Variants in NOL12 observed in about 807,000 individuals in gnomAD.
NOL12 encodes nucleolar protein 12.
In NOL12, 21 loss-of-function variants were observed where a neutral mutation model predicts 25.2. The ratio of observed to expected loss-of-function variants is 0.83; its 90% CI spans 0.59 to 1.20. NOL12 has a LOEUF of 1.20. NOL12 is among the 50% of genes most tolerant of loss of function. NOL12 has a pLI of 0.00. For missense variants in NOL12, 286 were observed against 287.6 expected, an observed-to-expected ratio of 0.99 and a Z score of 0.04; for synonymous variants, 133 against 113.8, an observed-to-expected ratio of 1.17 and a Z score of -1.08.
rs577877819 is a variant in NOL12, at chr22:37,692,258, G to C, written c.*922G>C. The C allele has an allele frequency of 1.1e-5, 4 of 359,626 alleles. No individual in the cohort carries two copies. In the East Asian group the frequency reaches 1.6e-4, roughly 15 times the overall value. 22.3% of individuals were successfully genotyped at this position (359,626 alleles called of 1,614,324 possible). ...TGTAATCCCAGCTACTTGGGAGGCT[G>C]AGGTGGAAGAATCACTTGAACCCTG... On this transcript the variant is annotated 3_prime_UTR_variant, in exon 6 of 6. Coordinates refer to ENST00000359114, the MANE Select transcript of NOL12 (RefSeq NM_024313.3).
rs953878956 is a variant in NOL12 at position 37,693,352 on chromosome 22, C to T, written c.*2016C>T. Reference sequence around the variant, plus strand: ...TCCAGGTGTGCCTACCGCATGTTGCCGCTGCTGTTTCTGCTGGGACGTCTG... The same window carrying T: ...TCCAGGTGTGCCTACCGCATGTTGCTGCTGCTGTTTCTGCTGGGACGTCTG... On this transcript the variant is annotated 3_prime_UTR_variant, in exon 6 of 6. Coordinates refer to ENST00000359114, the MANE Select transcript of NOL12 (RefSeq NM_024313.3). 6.5e-6 allele frequency: 1 copy of T among 152,718 alleles called. No individual in the cohort carries two copies. Among genetic ancestry groups the T allele is most frequent in the Admixed American group, 6.5e-5 (1 of 15,270 alleles). 9.5% of individuals were successfully genotyped at this position (152,718 alleles called of 1,614,324 possible).
At chr22:37,690,668 A>T (rs1922024704) in intron 4 of NOL12, 29 bp from the exon 5 acceptor site, 5 of 1,565,626 alleles carry the variant, frequency 3.2e-6, no homozygotes, top group Non-Finnish European at 4.4e-6. Context: ...CTACTGCTCC[A>T]TGTAAGTCAT....
chr22:37,691,049 G>C, intron 5 of NOL12, 125 bp from the exon 6 acceptor site: 1 of 1,168,824 alleles, frequency 8.6e-7, no homozygotes, highest in Non-Finnish European at 1.2e-6. Context: ...AGGTAGAGCA[G>C]GCCAACTCTG....
Position 37,691,178 on chromosome 22 carries a change from T to G in NOL12, c.484T>G (p.Ser162Ala). The change falls in exon 6 of 6, where the codon TCC becomes GCC. Residue 162 changes from serine to alanine, a missense_variant. Coordinates refer to ENST00000359114, the MANE Select transcript of NOL12 (RefSeq NM_024313.3). The stretch of plus-strand genomic sequence containing the variant: ...AGGCTTTCTGCCCTCCCCTAGGATC[T>G]CCTCCCTCACAGCATCACTACATGC... ...SRDPLLSQRI[S>A]SLTASLHAHS... 6.2e-7 allele frequency: 1 copy of G among 1,606,782 alleles called. No individual in the cohort carries two copies.
chr22:37,688,866 G>A lies in NOL12; in HGVS notation c.255G>A (p.Leu85=), dbSNP rs767050448. 6.2e-7 allele frequency: 1 copy of A among 1,614,060 alleles called. No homozygotes were observed. The highest frequency in any genetic ancestry group is 1.1e-5 in the South Asian group (1 of 91,078). The part of the protein sequence containing the change: ...REEALEEADE[L]DRLVTAKTES... ...CCCCCACAGAGGAGGCAGATGAGCT[G>A]GACCGGTTGGTGACAGCAAAGACGG... Residue 85 remains leucine (L), a synonymous_variant, in exon 4 of 6, where the codon CTG becomes CTA. Transcript: ENST00000359114.
chr22:37,691,011 T>G, intron 5 of NOL12, 163 bp from the exon 6 acceptor site: 1 of 839,602 alleles, frequency 1.2e-6, no homozygotes, highest in Non-Finnish European at 1.9e-6. Context: ...CCTGTGTCTC[T>G]GAGCTGAGTT....
intron 4 of NOL12, 24 bp downstream of exon 4, chr22:37,689,016 G>C (rs1921946272): frequency 2.5e-6 from 4 of 1,607,514 alleles, no homozygotes; most frequent in Non-Finnish European, 3.4e-6. Context: ...TCAGCCCTGG[G>C]AGGAAGGGGC....
In NOL12 at chr22:37,690,682, C is replaced by T; in HGVS notation, c.382-15C>T. On this transcript the variant is annotated splice_polypyrimidine_tract_variant and intron_variant, in intron 4 of 5. Coordinates refer to ENST00000359114, the MANE Select transcript of NOL12 (RefSeq NM_024313.3). ...GCTACTGCTCCATGTAAGTCATTGT[C>T]TTGTGCCTCTTTAGGGAGGGGCTGG... The T allele has an allele frequency of 1.2e-6, 2 of 1,601,522 alleles. No homozygotes were observed. The highest frequency in any genetic ancestry group is 1.1e-5 in the South Asian group (1 of 90,612).
Position 37,693,250 on chromosome 22 carries a change from A to T in NOL12, c.*1914A>T, listed in dbSNP as rs572230127. ...CTCGTCATGTGTAAGGTGACACCAG[A>T]TACCTACCTCTTAGGGCTGCCCCGA... On this transcript the variant is annotated 3_prime_UTR_variant, in exon 6 of 6. Coordinates refer to ENST00000359114, the MANE Select transcript of NOL12 (RefSeq NM_024313.3). 6.6e-6 allele frequency: 1 copy of T among 152,438 alleles called. No homozygotes were observed. Among genetic ancestry groups the T allele is most frequent in the Non-Finnish European group, 1.5e-5 (1 of 68,186 alleles). 9.4% of individuals were successfully genotyped at this position (152,438 alleles called of 1,614,324 possible).
intron 2 of NOL12, 122 bp from the exon 3 acceptor site, chr22:37,688,190 A>G: frequency 5.1e-6 from 6 of 1,166,154 alleles, no homozygotes; most frequent in Non-Finnish European, 7.6e-6. Context: ...TGGAAGATGG[A>G]GTCTCCTCCT....
rs749692392 is a variant in NOL12, at chr22:37,693,354, C to A, written c.*2018C>A. On this transcript the variant is annotated 3_prime_UTR_variant, in exon 6 of 6. Coordinates refer to ENST00000359114, the MANE Select transcript of NOL12 (RefSeq NM_024313.3). ...CAGGTGTGCCTACCGCATGTTGCCG[C>A]TGCTGTTTCTGCTGGGACGTCTGAC... 9.8e-5 allele frequency: 15 copies of A among 152,742 alleles called. No individual in the cohort carries two copies. The highest frequency in any genetic ancestry group is 7.9e-4 in the Admixed American group (12 of 15,282). The allele number at this position is 152,742 out of a possible 1,614,324, so 9.5% of individuals were successfully genotyped here.
At chr22:37,687,148 G>C (rs1449700180) in intron 1 of NOL12, 2 of 952,268 alleles carry the variant, frequency 2.1e-6, no homozygotes, top group Non-Finnish European at 1.3e-6. Flanking sequence ...CATGGGTGTT[G>C]GTCCAGTGCA....
chr22:37,693,039 C>T lies in NOL12; in HGVS notation c.*1703C>T. 4.2e-6 allele frequency: 1 copy of T among 239,968 alleles called. No homozygotes were observed. Among genetic ancestry groups the T allele is most frequent in the East Asian group, 7.6e-5 (1 of 13,154 alleles). 14.9% of individuals were successfully genotyped at this position (239,968 alleles called of 1,614,324 possible). A position where few individuals can be genotyped will look rare whatever the true frequency, so the allele number is the denominator to read the frequency against. Reference sequence around the variant, plus strand: ...TCCCCGGGTGGCATGTGCCACTTGGCTGCCTCGTGCCTGGGCACAGTGGTG... The same window carrying T: ...TCCCCGGGTGGCATGTGCCACTTGGTTGCCTCGTGCCTGGGCACAGTGGTG... On this transcript the variant is annotated 3_prime_UTR_variant, in exon 6 of 6. Transcript: ENST00000359114.
At chr22:37,687,390 AC>A (rs1162355068) in intron 1 of NOL12, among the ~76,000 whole-genome samples, 1 of 151,862 alleles carries the variant, frequency 6.6e-6, no homozygotes, top group African/African-American at 2.4e-5. Context: ...TGGGCAAGTA[AC>A]CTAGACTCTG....
intron 1 of NOL12, chr22:37,686,797 T>A: frequency 2.0e-6 from 2 of 985,444 alleles, no homozygotes; most frequent in Non-Finnish European, 2.4e-6. Context: ...CCGTGGTTGA[T>A]AAATGATGAG....
Position 37,688,868 on chromosome 22 carries a change from A to G in NOL12, c.257A>G (p.Asp86Gly), listed in dbSNP as rs750003212. The G allele has an allele frequency of 1.2e-6, 2 of 1,613,976 alleles. No individual in the cohort carries two copies. Among genetic ancestry groups the G allele is most frequent in the Admixed American group, 1.7e-5 (1 of 60,014 alleles). The change falls in exon 4 of 6, where the codon GAC (aspartate) becomes GGC (glycine). Residue 86 changes from aspartate (D) to glycine (G), a missense_variant. Transcript: ENST00000359114. The part of the protein sequence containing the change: ...EEALEEADEL[D>G]RLVTAKTESV... Reference sequence around the variant, plus strand: ...CCCACAGAGGAGGCAGATGAGCTGGACCGGTTGGTGACAGCAAAGACGGAG... The same window carrying G: ...CCCACAGAGGAGGCAGATGAGCTGGGCCGGTTGGTGACAGCAAAGACGGAG...
chr22:37,688,782 C>A, intron 3 of NOL12, 68 bp from the exon 4 acceptor site: 1 of 1,562,910 alleles, frequency 6.4e-7, no homozygotes, highest in Non-Finnish European at 8.8e-7. Context: ...CACTCCAGGG[C>A]GGGAGGGAGG....
At chr22:37,688,821 T>C in intron 3 of NOL12, 29 bp from the exon 4 acceptor site, 1 of 1,613,260 alleles carries the variant, frequency 6.2e-7, no homozygotes, top group Non-Finnish European at 8.5e-7. Context: ...TTCCCGTGAC[T>C]GAGACCAGGT....
chr22:37,687,767 A>C, intron 1 of NOL12, 143 bp from the exon 2 acceptor site: 1 of 598,674 alleles, frequency 1.7e-6, no homozygotes, highest in Non-Finnish European at 3.0e-6. Flanking sequence ...CATTGTTGTG[A>C]AGGTTAAATG....
Sources: allele counts gnomAD v4.1 joint callset (sites outside exome capture counted in the v4.1 genomes callset), GRCh38; gene constraint gnomAD v4.1.1; transcripts MANE v1.5; gene names NCBI Gene and HGNC (gene_info 2026-07-23, HGNC 2026-07-21).